LRRC4C: variants seen among roughly 807,000 people sequenced by gnomAD.
LRRC4C encodes leucine rich repeat containing 4C.
Under a neutral mutation model 33.6 loss-of-function variants are expected in LRRC4C, and 5 were observed. That is an observed-to-expected ratio of 0.15 (90% CI 0.08 to 0.31). LRRC4C has a LOEUF of 0.31. Among genes scored for constraint, LRRC4C ranks in the 10% least tolerant of loss-of-function variants. The pLI, the probability that LRRC4C is intolerant of heterozygous loss-of-function variation, is 1.00. For synonymous variants in LRRC4C, 329 were observed against 302.0 expected (o/e 1.09, Z -0.93); for missense variants, 560 against 796.7 (o/e 0.70, Z 3.58).
intron 3 of LRRC4C, among the ~76,000 whole-genome samples, chr11:40,592,647 G>C (rs1268765279): frequency 6.6e-6 from 1 of 152,052 alleles, no homozygotes; most frequent in Non-Finnish European, 1.5e-5. Context: ...GCTGCTTCTG[G>C]TAAATGGCAG....
intron 2 of LRRC4C, among the ~76,000 whole-genome samples, chr11:40,820,813 A>G (rs558374390): frequency 6.6e-6 from 1 of 151,884 alleles, no homozygotes; most frequent in African/African-American, 2.4e-5. Context: ...GTTTCTGATC[A>G]GTGTAGTCAG....
At chr11:40,237,576 A>G (rs543102011) in intron 5 of LRRC4C, among the ~76,000 whole-genome samples, 26 of 152,298 alleles carry the variant, frequency 1.7e-4, no homozygotes, top group African/African-American at 5.3e-4. Context: ...GCACCCAATA[A>G]ATGTTTGTTT....
At chr11:40,461,178 A>C (rs1952380582) in intron 3 of LRRC4C, among the ~76,000 whole-genome samples, 1 of 152,174 alleles carries the variant, frequency 6.6e-6, no homozygotes, top group Non-Finnish European at 1.5e-5. Flanking sequence ...TCAAGAGTAC[A>C]TTATTATTAG....
At chr11:40,615,238 TTATATATATATA>T (rs756021420) in intron 3 of LRRC4C, among the ~76,000 whole-genome samples, 4 of 88,176 alleles carry the variant, frequency 4.5e-5, no homozygotes, top group South Asian at 4.0e-4. Flanking sequence ...TTGATTTATT[TTATATATATATA>T]TATATATATA....
At chr11:40,295,886 C>T (rs553362206) in intron 4 of LRRC4C, among the ~76,000 whole-genome samples, 8 of 152,256 alleles carry the variant, frequency 5.3e-5, no homozygotes, top group East Asian at 1.9e-4. Context: ...AGCTCTTACC[C>T]TTATATGCTA....
At chr11:41,193,407 G>A (rs2136222369) in intron 1 of LRRC4C, among the ~76,000 whole-genome samples, 1 of 152,170 alleles carries the variant, frequency 6.6e-6, no homozygotes, top group East Asian at 1.9e-4. Context: ...CAACACTATG[G>A]AAGATAACCC....
chr11:40,564,170 TA>T (rs1481557947), intron 3 of LRRC4C, among the ~76,000 whole-genome samples: 2 of 152,168 alleles, frequency 1.3e-5, no homozygotes, highest in East Asian at 3.9e-4. Context: ...ACATTGGCTT[TA>T]ATGCCCTGTA....
At chr11:40,768,404 C>T (rs1461827064) in intron 2 of LRRC4C, among the ~76,000 whole-genome samples, 1 of 151,994 alleles carries the variant, frequency 6.6e-6, no homozygotes, top group Non-Finnish European at 1.5e-5. Flanking sequence ...AAACTAATAC[C>T]AATCCTACTC....
chr11:40,831,711 A>T (rs1024842531), intron 2 of LRRC4C, among the ~76,000 whole-genome samples: 28 of 152,092 alleles, frequency 1.8e-4, no homozygotes, highest in African/African-American at 6.5e-4. Flanking sequence ...GCAAAGGAGG[A>T]GCAAAGTCAT....
chr11:40,340,648 A>G (rs1045392090), intron 3 of LRRC4C, among the ~76,000 whole-genome samples: 1 of 152,222 alleles, frequency 6.6e-6, no homozygotes, highest in Admixed American at 6.5e-5. Flanking sequence ...TCTACAATAT[A>G]GGAATTTTAT....
chr11:40,236,875 AC>A (rs947324014), intron 5 of LRRC4C, among the ~76,000 whole-genome samples: 2 of 152,194 alleles, frequency 1.3e-5, no homozygotes, highest in African/African-American at 4.8e-5. Flanking sequence ...GACTGTCCTG[AC>A]AAATGTGTCT....
intron 1 of LRRC4C, among the ~76,000 whole-genome samples, chr11:41,405,690 A>G (rs1162213357): frequency 2.0e-5 from 3 of 152,168 alleles, no homozygotes; most frequent in Non-Finnish European, 4.4e-5. Flanking sequence ...CATCAAGGAC[A>G]GGAACAAGAA....
intron 2 of LRRC4C, among the ~76,000 whole-genome samples, chr11:40,677,371 G>A (rs1170042930): frequency 6.6e-6 from 1 of 152,108 alleles, no homozygotes; most frequent in East Asian, 1.9e-4. Context: ...GGGTGGCAGA[G>A]CAAGACTCTG....
intron 1 of LRRC4C, among the ~76,000 whole-genome samples, chr11:40,952,535 A>T (rs933694781): frequency 1.3e-5 from 2 of 151,972 alleles, no homozygotes; most frequent in African/African-American, 4.8e-5. Flanking sequence ...TATTTGAAGC[A>T]ATGCAAATGT....
intron 2 of LRRC4C, among the ~76,000 whole-genome samples, chr11:40,752,560 G>T (rs149614868): frequency 1.3e-5 from 2 of 151,488 alleles, no homozygotes; most frequent in Non-Finnish European, 3.0e-5. Flanking sequence ...CATCTTACCC[G>T]AGTTACAATG....
chr11:40,692,103 TCATAAAC>T (rs1381604249), intron 2 of LRRC4C, among the ~76,000 whole-genome samples: 2 of 152,076 alleles, frequency 1.3e-5, no homozygotes, highest in Non-Finnish European at 2.9e-5. Flanking sequence ...CCTCCCCATC[TCATAAAC>T]CAGAAATGTG....
At chr11:40,287,965 C>G (rs1372602849) in intron 4 of LRRC4C, among the ~76,000 whole-genome samples, 1 of 152,174 alleles carries the variant, frequency 6.6e-6, no homozygotes, top group Non-Finnish European at 1.5e-5. Context: ...AGCTTCCCTC[C>G]AACAGAGTCC....
Position 40,424,542 on chromosome 11 carries a change from T to C in LRRC4C, c.-269-104821A>G, listed in dbSNP as rs117097849. Among the ~76,000 whole-genome samples the C allele has an allele frequency of 5.5e-3, 841 of 152,286 alleles. 4 individuals are homozygous for C. The highest frequency in any genetic ancestry group is 8.6e-3 in the Admixed American group (132 of 15,294). On this transcript the variant is annotated intron_variant, in intron 3 of 6. Transcript: ENST00000528697. ...TAAAATATATTTTAATAAACAAATA[T>C]GTATGCGCAGGGATTTCTTGCATAA...
intron 3 of LRRC4C, among the ~76,000 whole-genome samples, chr11:40,423,637 T>C (rs140667811): frequency 0.037 from 5,638 of 152,038 alleles, 355 homozygotes; most frequent in African/African-American, 0.13. Flanking sequence ...AGCCACCGCG[T>C]CCGGCTGTTC....
Sources: allele counts gnomAD v4.1 joint callset (sites outside exome capture counted in the v4.1 genomes callset), GRCh38; gene constraint gnomAD v4.1.1; transcripts MANE v1.5; gene names NCBI Gene and HGNC (gene_info 2026-07-23, HGNC 2026-07-21).